The following SPINK1 variants were observed in gnomAD, a reference collection of about 807,000 sequenced individuals.
SPINK1 encodes serine peptidase inhibitor Kazal type 1.
A neutral mutation model predicts 9.5 loss-of-function variants in SPINK1; 5 were observed. That is an observed-to-expected ratio of 0.52 (90% confidence interval 0.27 to 1.10). The LOEUF is 1.10. SPINK1 is among the 50% of genes least tolerant of loss of function. The probability of loss-of-function intolerance (pLI) is 0.11; values close to 1 mark genes in which losing one functional copy is unlikely to be tolerated. For synonymous variants in SPINK1, 37 were observed against 32.3 expected (o/e 1.14, Z -0.49); for missense variants, 88 against 92.7 (o/e 0.95, Z 0.21).
At chr5:147,828,298 A>C (rs1183450993) in intron 2 of SPINK1, among the ~76,000 whole-genome samples, 170 bp from the exon 3 acceptor site, 5 of 152,224 alleles carry the variant, frequency 3.3e-5, no homozygotes, top group African/African-American at 1.2e-4. Context: ...CCTTGTTTTA[A>C]GTCATGCCTC....
At chr5:147,830,457 A>T (rs1332677340) in intron 1 of SPINK1, among the ~76,000 whole-genome samples, 1 of 152,170 alleles carries the variant, frequency 6.6e-6, no homozygotes, top group Admixed American at 6.5e-5. Context: ...GATCTGAGCA[A>T]AGAGGTAGTT....
At chr5:147,836,984 A>G in the SPINK1 span, among the ~76,000 whole-genome samples, 1 of 152,234 alleles carries the variant, frequency 6.6e-6, no homozygotes, top group Non-Finnish European at 1.5e-5. Flanking sequence ...CCAGCATGTC[A>G]TTTAATGATT....
chr5:147,836,743 C>T, the SPINK1 span, among the ~76,000 whole-genome samples: 1 of 152,166 alleles, frequency 6.6e-6, no homozygotes, highest in Non-Finnish European at 1.5e-5. Flanking sequence ...CATTTCCCGC[C>T]AAGCAGTAGC....
chr5:147,826,988 C>T (rs1756417895), intron 3 of SPINK1: 1 of 152,114 alleles, frequency 6.6e-6, no homozygotes, highest in Non-Finnish European at 1.5e-5. Flanking sequence ...CTTTTATTTG[C>T]TTTGTTCATT....
upstream of SPINK1, chr5:147,831,682 C>A (rs1756512099): frequency 6.4e-7 from 1 of 1,560,522 alleles, no homozygotes; most frequent in Non-Finnish European, 8.6e-7. Flanking sequence ...GGCAGCAAGG[C>A]CCCACCTACT....
intron 1 of SPINK1, 124 bp from the exon 2 acceptor site, chr5:147,829,754 C>A (rs1756476912): frequency 2.3e-6 from 2 of 884,854 alleles, no homozygotes; most frequent in East Asian, 2.6e-5. Context: ...CATTCCCCAC[C>A]CTTTCTGATT....
chr5:147,833,171 G>A (rs913138753), upstream of SPINK1, among the ~76,000 whole-genome samples: 5 of 152,244 alleles, frequency 3.3e-5, 1 homozygote, highest in South Asian at 6.2e-4. Flanking sequence ...TAAGCGCAAA[G>A]GTTCTGAGGC....
At chr5:147,836,570 C>T (rs1756600517), upstream of SPINK1, among the ~76,000 whole-genome samples, 1 of 152,120 alleles carries the variant, frequency 6.6e-6, no homozygotes, top group Admixed American at 6.6e-5. Flanking sequence ...CTGTTAGATC[C>T]AGTGGCACCT....
chr5:147,838,033 C>T, the SPINK1 span, among the ~76,000 whole-genome samples: 1 of 152,064 alleles, frequency 6.6e-6, no homozygotes, highest in African/African-American at 2.4e-5. Context: ...ACAAGCCATC[C>T]GTGTTGGAGG....
chr5:147,831,416 A>T (rs1422143995), intron 1 of SPINK1, 107 bp downstream of exon 1: 1 of 1,431,194 alleles, frequency 7.0e-7, no homozygotes, highest in Non-Finnish European at 9.6e-7. Flanking sequence ...TAGGTCCAAA[A>T]CATCTCTCGA....
At chr5:147,837,047 T>C in the SPINK1 span, among the ~76,000 whole-genome samples, 11 of 152,214 alleles carry the variant, frequency 7.2e-5, no homozygotes, top group Admixed American at 7.2e-4. Flanking sequence ...TATGTGTAAC[T>C]TTGAGCTAAA....
At chr5:147,835,953 G>A (rs1222276815), upstream of SPINK1, among the ~76,000 whole-genome samples, 1 of 151,972 alleles carries the variant, frequency 6.6e-6, no homozygotes, top group African/African-American at 2.4e-5. Flanking sequence ...TAGGTTGCAT[G>A]TGTACCTATT....
At chr5:147,836,122 C>T (rs1348007141), upstream of SPINK1, among the ~76,000 whole-genome samples, 2 of 151,962 alleles carry the variant, frequency 1.3e-5, no homozygotes, top group Non-Finnish European at 1.5e-5. Context: ...ATCATTATAG[C>T]CACTACTAAT....
chr5:147,837,649 T>C, the SPINK1 span, among the ~76,000 whole-genome samples: 185 of 107,120 alleles, frequency 1.7e-3, 2 homozygotes, highest in African/African-American at 6.3e-3. Context: ...CATTAACTTC[T>C]TTTCTTTCTT....
At chr5:147,824,840 GTCTT>G in intron 3 of SPINK1, 134 bp from the exon 4 acceptor site, 1 of 789,748 alleles carries the variant, frequency 1.3e-6, no homozygotes, top group Non-Finnish European at 2.1e-6. Context: ...TCTTTTCTCT[GTCTT>G]TCATTCATTT....
upstream of SPINK1, among the ~76,000 whole-genome samples, chr5:147,834,408 T>C (rs902924496): frequency 6.6e-6 from 1 of 152,116 alleles, no homozygotes; most frequent in East Asian, 1.9e-4. Context: ...GTCCTTACTA[T>C]ACAAAAATTT....
the SPINK1 span, among the ~76,000 whole-genome samples, chr5:147,837,649 T>TTTTTTTC: frequency 1.5e-4 from 16 of 107,118 alleles, no homozygotes; most frequent in South Asian, 6.3e-4. Flanking sequence ...CATTAACTTC[T>TTTTTTTC]TTTCTTTCTT....
chr5:147,831,857 A>G, upstream of SPINK1: 1 of 1,287,974 alleles, frequency 7.8e-7, no homozygotes, highest in Non-Finnish European at 1.0e-6. Context: ...GGTTAGTTTG[A>G]TCCCTAACTC....
chr5:147,831,775 A>C, upstream of SPINK1: 1 of 1,430,084 alleles, frequency 7.0e-7, no homozygotes, highest in Non-Finnish European at 9.1e-7. Context: ...TCACCTGTGT[A>C]AGAAAGGTGA....
Sources: allele counts gnomAD v4.1 joint callset (sites outside exome capture counted in the v4.1 genomes callset), GRCh38; gene constraint gnomAD v4.1.1; transcripts MANE v1.5; gene names NCBI Gene and HGNC (gene_info 2026-07-23, HGNC 2026-07-21).